Variants in JMJD1C observed in about 807,000 individuals in gnomAD.
The protein encoded by JMJD1C is jumonji domain containing 1C.
A neutral mutation model predicts 245.3 loss-of-function variants in JMJD1C; 31 were observed. The ratio of observed to expected loss-of-function variants is 0.13; its 90% confidence interval spans 0.09 to 0.17. The LOEUF is 0.17. JMJD1C is among the 10% of genes least tolerant of loss of function. The pLI is 1.00. For missense variants in JMJD1C, 2,691 were observed against 3,000.2 expected (o/e 0.90, Z 2.41); for synonymous variants, 1,057 against 1,017.4 (o/e 1.04, Z -0.74).
intron 1 of JMJD1C, among the ~76,000 whole-genome samples, chr10:63,510,368 G>A (rs188632658): frequency 1.6e-3 from 238 of 152,150 alleles, no homozygotes; most frequent in African/African-American, 5.2e-3. Flanking sequence ...CTAAGCTCTG[G>A]TTTCACTACA....
chr10:63,506,392 T>C (rs1954717979), intron 1 of JMJD1C, among the ~76,000 whole-genome samples: 1 of 152,212 alleles, frequency 6.6e-6, no homozygotes, highest in African/African-American at 2.4e-5. Context: ...TAATACACTC[T>C]TTGAAGACAA....
chr10:63,494,268 G>A (rs1392503123), intron 1 of JMJD1C, among the ~76,000 whole-genome samples: 6 of 151,154 alleles, frequency 4.0e-5, no homozygotes, highest in African/African-American at 7.3e-5. Flanking sequence ...CTGAGATTGC[G>A]CCACTGCACT....
At chr10:63,419,216 T>C (rs1243553978) in intron 1 of JMJD1C, among the ~76,000 whole-genome samples, 2 of 142,478 alleles carry the variant, frequency 1.4e-5, no homozygotes, top group East Asian at 4.0e-4. Flanking sequence ...TGAAACCTCA[T>C]CTCTACTAAA....
At chr10:63,259,163 C>T (rs931861329) in intron 3 of JMJD1C, among the ~76,000 whole-genome samples, 1 of 152,164 alleles carries the variant, frequency 6.6e-6, no homozygotes, top group Non-Finnish European at 1.5e-5. Context: ...CTAGTAATAT[C>T]ATATTACCCT....
chr10:63,477,560 A>G (rs1953702680), intron 1 of JMJD1C, among the ~76,000 whole-genome samples: 1 of 151,850 alleles, frequency 6.6e-6, no homozygotes, highest in Non-Finnish European at 1.5e-5. Context: ...TGTCAAAAAA[A>G]AAAAAAAAAA....
chr10:63,354,086 G>A (rs963148009), intron 2 of JMJD1C, among the ~76,000 whole-genome samples: 9 of 152,148 alleles, frequency 5.9e-5, no homozygotes, highest in African/African-American at 1.7e-4. Flanking sequence ...TGATCTGCCC[G>A]CCTTGGCCTC....
At chr10:63,305,373 AAAAC>A (rs1564760595) in intron 2 of JMJD1C, among the ~76,000 whole-genome samples, 2 of 87,046 alleles carry the variant, frequency 2.3e-5, no homozygotes, top group Admixed American at 9.6e-5. Context: ...CCTCAAAAAA[AAAAC>A]AAAAAACAAA....
chr10:63,459,205 A>G (rs1481185503), intron 1 of JMJD1C, among the ~76,000 whole-genome samples: 1 of 152,218 alleles, frequency 6.6e-6, no homozygotes, highest in Admixed American at 6.5e-5. Flanking sequence ...ATTCCTATTA[A>G]GCTCTACTTA....
chr10:63,437,972 T>C (rs1951151975), intron 1 of JMJD1C, among the ~76,000 whole-genome samples: 1 of 152,198 alleles, frequency 6.6e-6, no homozygotes, highest in African/African-American at 2.4e-5. Context: ...AACACTTAGG[T>C]ATGTTCTATA....
chr10:63,291,985 C>G (rs907824234), intron 2 of JMJD1C, among the ~76,000 whole-genome samples: 1 of 151,856 alleles, frequency 6.6e-6, no homozygotes, highest in African/African-American at 2.4e-5. Flanking sequence ...GGGTCCCACT[C>G]TGTTGCCTAG....
At chr10:63,312,107 T>G in intron 2 of JMJD1C, among the ~76,000 whole-genome samples, 1 of 113,590 alleles carries the variant, frequency 8.8e-6, no homozygotes, top group African/African-American at 2.8e-5. Context: ...TTTTTTTTTT[T>G]TTTTTTTTTG....
intron 2 of JMJD1C, among the ~76,000 whole-genome samples, chr10:63,366,951 G>T (rs1027331638): frequency 6.6e-6 from 1 of 152,154 alleles, no homozygotes; most frequent in Non-Finnish European, 1.5e-5. Flanking sequence ...TCCAGTTATA[G>T]CCAGTAGTCA....
chr10:63,193,680 T>G (rs1845109900), intron 14 of JMJD1C: 1 of 382,480 alleles, frequency 2.6e-6, no homozygotes, highest in Admixed American at 4.4e-5. Flanking sequence ...TTTTTGTTTT[T>G]TTTTGAGACG....
intron 2 of JMJD1C, among the ~76,000 whole-genome samples, chr10:63,265,408 TA>T (rs1047041434): frequency 2.6e-5 from 4 of 152,034 alleles, no homozygotes; most frequent in African/African-American, 9.7e-5. Flanking sequence ...CTACTTCTTT[TA>T]AAAAAAGTCA....
intron 2 of JMJD1C, among the ~76,000 whole-genome samples, chr10:63,311,279 T>C (rs1939158181): frequency 6.6e-6 from 1 of 151,266 alleles, no homozygotes; most frequent in East Asian, 1.9e-4. Context: ...CTCGGGAGAC[T>C]GAGGCAGGAG....
chr10:63,203,204 GA>G (rs1280922400), intron 10 of JMJD1C: 12 of 984,314 alleles, frequency 1.2e-5, no homozygotes, highest in Admixed American at 6.2e-5. Flanking sequence ...CTCCTTTTAT[GA>G]ATTTAACTGT....
At chr10:63,274,380 A>G (rs181536472) in intron 2 of JMJD1C, among the ~76,000 whole-genome samples, 2 of 152,240 alleles carry the variant, frequency 1.3e-5, no homozygotes, top group Non-Finnish European at 2.9e-5. Flanking sequence ...CCTGGGCAAC[A>G]TGGTGAAACC....
intron 1 of JMJD1C, among the ~76,000 whole-genome samples, chr10:63,436,770 T>G (rs557285919): frequency 6.6e-6 from 1 of 152,276 alleles, no homozygotes; most frequent in South Asian, 2.1e-4. Flanking sequence ...TCTTTAACTT[T>G]ACTCAGGCAA....
intron 1 of JMJD1C, among the ~76,000 whole-genome samples, chr10:63,519,924 C>T (rs1366140669): frequency 6.6e-6 from 1 of 152,080 alleles, no homozygotes; most frequent in East Asian, 1.9e-4. Context: ...CAAGAGAGTT[C>T]GCCAAAAAAC....
Sources: gnomAD v4.1 joint callset for allele counts (sites outside exome capture counted in the v4.1 genomes callset) on GRCh38, gnomAD v4.1.1 for gene constraint, MANE v1.5 for transcripts, NCBI Gene and HGNC (gene_info 2026-07-23, HGNC 2026-07-21) for gene names.